FAM184B: variants seen among roughly 807,000 people sequenced by gnomAD.
FAM184B encodes the protein family with sequence similarity 184 member B, also known as protein FAM184B.
Under a neutral mutation model 135.9 loss-of-function variants are expected in FAM184B, and 111 were observed. That is an observed-to-expected ratio of 0.82 (90% confidence interval 0.70 to 0.96). The LOEUF is 0.96. Ranked by LOEUF, FAM184B falls within the 40% of genes least tolerant of loss-of-function variation. The pLI is 0.00. For synonymous variants in FAM184B, 552 were observed against 524.8 expected, an observed-to-expected ratio of 1.05 and a Z score of -0.71; for missense variants, 1,375 against 1,323.9, an observed-to-expected ratio of 1.04 and a Z score of -0.60.
intron 1 of FAM184B, among the ~76,000 whole-genome samples, chr4:17,752,252 G>A (rs1425664197): frequency 1.3e-5 from 2 of 152,154 alleles, no homozygotes; most frequent in Non-Finnish European, 1.5e-5. Context: ...TTTGGAATTG[G>A]AGTTTCAAGA....
At chr4:17,701,867 G>A (rs1716992363) in intron 5 of FAM184B, among the ~76,000 whole-genome samples, 1 of 152,182 alleles carries the variant, frequency 6.6e-6, no homozygotes, top group South Asian at 2.1e-4. Context: ...TGGCCAGTAG[G>A]GTAGCCACTG....
At chr4:17,749,301 G>C (rs1169691598) in intron 1 of FAM184B, among the ~76,000 whole-genome samples, 1 of 151,970 alleles carries the variant, frequency 6.6e-6, no homozygotes, top group South Asian at 2.1e-4. Flanking sequence ...GAAAGAACCA[G>C]ACGGGCACAG....
At chr4:17,747,341 G>A (rs1306628506) in intron 1 of FAM184B, among the ~76,000 whole-genome samples, 2 of 152,258 alleles carry the variant, frequency 1.3e-5, no homozygotes, top group East Asian at 3.9e-4. Flanking sequence ...GTTGGCCAGC[G>A]AGGGAAGAGA....
intron 14 of FAM184B, among the ~76,000 whole-genome samples, chr4:17,637,810 G>A (rs970614164): frequency 6.6e-6 from 1 of 152,172 alleles, no homozygotes; most frequent in Non-Finnish European, 1.5e-5. Flanking sequence ...GGTCTTGCTA[G>A]TCACCCCCTC....
rs372025559 is a variant in FAM184B at position 17,702,762 on chromosome 4, C to T, written c.1377+2238G>A. On this transcript the variant is annotated intron_variant, in intron 5 of 17. Transcript: ENST00000265018. ...CCTATTAAGGCTGAAGTGAGATTTACACATTCAGGGTCAGGTGTGGCTGAC... is the reference window on the plus strand; with the variant it reads ...CCTATTAAGGCTGAAGTGAGATTTATACATTCAGGGTCAGGTGTGGCTGAC... Among the ~76,000 whole-genome samples the T allele has an allele frequency of 1.2e-4, 19 of 152,344 alleles. No homozygotes were observed. The East Asian group carries it at 1.7e-3, about 14-fold the overall frequency.
chr4:17,691,177 G>A (rs923848955), intron 6 of FAM184B, among the ~76,000 whole-genome samples: 1 of 152,178 alleles, frequency 6.6e-6, no homozygotes, highest in Non-Finnish European at 1.5e-5. Flanking sequence ...CACATTACCT[G>A]GGTTTGAATC....
intron 1 of FAM184B, among the ~76,000 whole-genome samples, chr4:17,714,530 G>A (rs981420742): frequency 6.6e-6 from 1 of 152,052 alleles, no homozygotes; most frequent in African/African-American, 2.4e-5. Context: ...AATAACTACC[G>A]TGTTGAGCCT....
chr4:17,658,784 T>C (rs2315554), intron 9 of FAM184B, among the ~76,000 whole-genome samples: 106,922 of 152,004 alleles, frequency 0.7, 38,266 homozygotes, highest in East Asian at 0.93. Context: ...GGTGGGGACA[T>C]CAACCTTTCA....
At chr4:17,656,316 G>A (rs1231028489) in intron 10 of FAM184B, among the ~76,000 whole-genome samples, 1 of 152,154 alleles carries the variant, frequency 6.6e-6, no homozygotes, top group Admixed American at 6.5e-5. Context: ...AGATTTAGAA[G>A]GATTGAAGAA....
At chr4:17,645,987 A>G (rs1374107342) in intron 12 of FAM184B, among the ~76,000 whole-genome samples, 1 of 152,252 alleles carries the variant, frequency 6.6e-6, no homozygotes, top group Non-Finnish European at 1.5e-5. Context: ...AATGCTCATC[A>G]TCACTGGCCA....
At chr4:17,699,199 ATTAT>A (rs1716929851) in intron 5 of FAM184B, among the ~76,000 whole-genome samples, 1 of 24,030 alleles carries the variant, frequency 4.2e-5, no homozygotes, top group Non-Finnish European at 9.2e-5. Flanking sequence ...AGCAAGAGAA[ATTAT>A]CCAAACTGAA....
rs1715089598 is a variant in FAM184B, at chr4:17,635,216, A to AG, written c.2785-104dup. The stretch of plus-strand genomic sequence containing the variant: ...AGGGCAGAATAGAGAAGGAAAGTCC[A>AG]GGGGAGGAAGGGGAAGTCAGTGGGA... On this transcript the variant is annotated intron_variant, in intron 15 of 17. Transcript: ENST00000265018. The AG allele has an allele frequency of 2.5e-5, 21 of 823,598 alleles. No homozygotes were observed. In the South Asian group the frequency reaches 3.6e-4, roughly 14 times the overall value. 51.0% of individuals were successfully genotyped at this position (823,598 alleles called of 1,614,324 possible).
At chr4:17,741,771 C>G (rs927343678) in intron 1 of FAM184B, among the ~76,000 whole-genome samples, 1 of 152,142 alleles carries the variant, frequency 6.6e-6, no homozygotes, top group African/African-American at 2.4e-5. Context: ...GGACACTCTC[C>G]TGGGTTAAAT....
rs142006493 is a variant in FAM184B at position 17,747,014 on chromosome 4, C to T, written c.141+34145G>A. 6.9e-3 allele frequency among the ~76,000 whole-genome samples: 1,003 copies of T among 145,600 alleles called. 9 individuals are homozygous for T. Among genetic ancestry groups the T allele is most frequent in the South Asian group, 0.017 (76 of 4,596 alleles). ...GATCACGCCACTGCACTCCATACTC[C>T]AGCCTGAGTGACAGAATGAGACTCC... On this transcript the variant is annotated intron_variant, in intron 1 of 17. Transcript: ENST00000265018.
chr4:17,668,215 GC>G (rs1260249454), intron 7 of FAM184B, among the ~76,000 whole-genome samples: 1 of 152,154 alleles, frequency 6.6e-6, no homozygotes, highest in East Asian at 1.9e-4. Context: ...CCAGCGGCCC[GC>G]CCTGCTGAAT....
rs1273329121 is a variant in FAM184B, at chr4:17,684,161, TATA to T, written c.1596+4260_1596+4262del. ...TATATAAAATAATTATATAATAAAA[TATA>T]ATATAAAATAAAATAATTATATATA... On this transcript the variant is annotated intron_variant, in intron 7 of 17. Transcript: ENST00000265018. Among the ~76,000 whole-genome samples the T allele has an allele frequency of 3.8e-3, 557 of 145,618 alleles. 9 individuals are homozygous for T. Among genetic ancestry groups the T allele is most frequent in the Middle Eastern group, 0.011 (3 of 278 alleles).
chr4:17,755,709 C>G (rs758833157), intron 1 of FAM184B, among the ~76,000 whole-genome samples: 2 of 152,096 alleles, frequency 1.3e-5, no homozygotes, highest in South Asian at 4.1e-4. Flanking sequence ...ACATATACAC[C>G]ACAAAATACT....
intron 1 of FAM184B, among the ~76,000 whole-genome samples, chr4:17,734,901 A>G (rs1717872046): frequency 6.6e-6 from 1 of 152,170 alleles, no homozygotes; most frequent in Non-Finnish European, 1.5e-5. Flanking sequence ...CTGCAGCACT[A>G]TTCACAATAG....
At chr4:17,774,452 G>A (rs976576195) in intron 1 of FAM184B, among the ~76,000 whole-genome samples, 1 of 152,192 alleles carries the variant, frequency 6.6e-6, no homozygotes. Context: ...GGTGGACACG[G>A]GCCCAGAGGC....
Sources: gnomAD v4.1 joint callset for allele counts (sites outside exome capture counted in the v4.1 genomes callset) on GRCh38, gnomAD v4.1.1 for gene constraint, MANE v1.5 for transcripts, NCBI Gene and HGNC (gene_info 2026-07-23, HGNC 2026-07-21) for gene names.